Variants in PTCH1 observed in about 807,000 individuals in gnomAD.
PTCH1 encodes patched 1, also known as protein patched homolog 1.
In PTCH1, 14 loss-of-function variants were observed where a neutral mutation model predicts 144.6. That is an observed-to-expected ratio of 0.10 (90% CI 0.06 to 0.15). The LOEUF is 0.15. Among genes scored for constraint, PTCH1 ranks in the 10% least tolerant of loss-of-function variants. The pLI, the probability that PTCH1 is intolerant of heterozygous loss-of-function variation, is 1.00. For missense variants in PTCH1, 1,623 were observed against 1,948.3 expected (o/e 0.83, Z 3.14); for synonymous variants, 833 against 793.6 (o/e 1.05, Z -0.83).
intron 2 of PTCH1, among the ~76,000 whole-genome samples, chr9:95,502,064 C>T (rs1162414781): frequency 6.6e-6 from 1 of 152,134 alleles, no homozygotes; most frequent in Non-Finnish European, 1.5e-5. Flanking sequence ...AGCTTCCAGG[C>T]TCCCACCCAA....
intron 1 of PTCH1, 22 bp downstream of exon 1, chr9:95,508,139 G>A (rs374626616): frequency 1.2e-5 from 19 of 1,612,074 alleles, no homozygotes; most frequent in Non-Finnish European, 1.6e-5. Context: ...GAGAAAGTGG[G>A]AGGAGAGAGT....
At chr9:95,464,362 A>G (rs1328246593) in intron 15 of PTCH1, among the ~76,000 whole-genome samples, 1 of 152,148 alleles carries the variant, frequency 6.6e-6, no homozygotes, top group Non-Finnish European at 1.5e-5. Context: ...CACTCTAGAA[A>G]ATTGTGACTT....
At chr9:95,510,530 G>T (rs1351011154), upstream of PTCH1, among the ~76,000 whole-genome samples, 5 of 152,132 alleles carry the variant, frequency 3.3e-5, no homozygotes, top group African/African-American at 1.2e-4. Context: ...TTTTCGGAAA[G>T]TGGAATGTGT....
At chr9:95,491,070 T>C (rs1165436719) in intron 2 of PTCH1, among the ~76,000 whole-genome samples, 1 of 152,218 alleles carries the variant, frequency 6.6e-6, no homozygotes, top group Non-Finnish European at 1.5e-5. Flanking sequence ...GAAGTCCTTT[T>C]ATATTAACAA....
At chr9:95,511,796 G>A (rs931406924), upstream of PTCH1, among the ~76,000 whole-genome samples, 8 of 152,180 alleles carry the variant, frequency 5.3e-5, no homozygotes, top group Admixed American at 2.6e-4. Context: ...ACTTCAAGTC[G>A]AACCATTGTG....
At position 95,456,362 on chromosome 9, in the gene PTCH1, T is replaced by C. The variant is rs745626835; in HGVS notation, c.3220A>G (p.Ile1074Val). Residue 1074 changes from isoleucine to valine, a missense_variant, in exon 19 of 24, where the codon ATC (isoleucine) becomes GTC (valine). Physicochemically the swap from Ile to Val is conservative, Grantham distance 29 (BLOSUM62 3). Coordinates refer to ENST00000331920, the MANE Select transcript of PTCH1 (RefSeq NM_000264.5). ...TVELFGMMGL[I>V]GIKLSAVPVV... ...GGCACGGCACTGAGCTTGATTCCGATGAGGCCCATCATGCCGAACAGCTCG... is the reference window on the plus strand; with the variant it reads ...GGCACGGCACTGAGCTTGATTCCGACGAGGCCCATCATGCCGAACAGCTCG... 19 of 1,613,982 alleles carry C rather than the reference T, an allele frequency of 1.2e-5. No homozygotes were observed. Among genetic ancestry groups the C allele is most frequent in the Admixed American group, 5.0e-5 (3 of 60,008 alleles).
intron 2 of PTCH1, among the ~76,000 whole-genome samples, chr9:95,492,842 T>C (rs1204197596): frequency 6.6e-6 from 1 of 152,012 alleles, no homozygotes; most frequent in Non-Finnish European, 1.5e-5. Context: ...TAGGGCTCCC[T>C]GGGTCACAGT....
intron 1 of PTCH1, chr9:95,507,279 T>C (rs2118894313): frequency 1.0e-6 from 1 of 985,420 alleles, no homozygotes; most frequent in African/African-American, 1.7e-5. Flanking sequence ...TTCCCTCCTC[T>C]CCCTTCCTTT....
At position 95,508,939 on chromosome 9, in the gene PTCH1, G is replaced by A. The variant is rs1377200597; in HGVS notation, c.-578C>T. Among the ~76,000 whole-genome samples the A allele has an allele frequency of 6.6e-6, 1 of 151,250 alleles. No homozygotes were observed. Among genetic ancestry groups the A allele is most frequent in the Non-Finnish European group, 1.5e-5 (1 of 67,768 alleles). ...GTCTCAGCGCTGCCGGGCCCGGGCA[G>A]CCGCAGCTGCCGCTGCTCCCGCGGT... On this transcript the variant is annotated 5_prime_UTR_variant, in exon 1 of 24. Coordinates refer to ENST00000331920, the MANE Select transcript of PTCH1 (RefSeq NM_000264.5).
rs748519378 is a variant in PTCH1 at position 95,449,962 on chromosome 9, G to A, written c.3450-22C>T. 6 of 1,602,132 alleles carry A rather than the reference G, an allele frequency of 3.7e-6. No individual in the cohort carries two copies. In the South Asian group the frequency reaches 4.4e-5, roughly 12 times the overall value. On this transcript the variant is annotated intron_variant, in intron 20 of 23. Transcript: ENST00000331920. This position sits in a 1 kb window ranked among gnomAD's most constrained non-coding sequence, Gnocchi z 5.3. ...ATACCTGGGAGATCAAGAGGAAACGGGAACACGCGCTGTGACAGGGTGGAT... is the reference window on the plus strand; with the variant it reads ...ATACCTGGGAGATCAAGAGGAAACGAGAACACGCGCTGTGACAGGGTGGAT...
intron 16 of PTCH1, chr9:95,460,054 A>G (rs573389697): frequency 2.1e-6 from 1 of 487,100 alleles, no homozygotes; most frequent in East Asian, 3.9e-5. Context: ...ATGCTAAAAG[A>G]CCGTCTGCAG....
At position 95,473,699 on chromosome 9, in the gene PTCH1, C is replaced by T. The variant is rs182893404; in HGVS notation, c.1728+2335G>A. The stretch of plus-strand genomic sequence containing the variant: ...AGCTGGGATTACAGGCGTGAGCCAC[C>T]GCGCCCGGCAAATTTTGTATTTTTA... On this transcript the variant is annotated intron_variant, in intron 12 of 23. Transcript: ENST00000331920. Among the ~76,000 whole-genome samples, 274 of 152,112 alleles carry T rather than the reference C, an allele frequency of 1.8e-3. 1 individual carries two copies. The highest frequency in any genetic ancestry group is 3.5e-3 in the Non-Finnish European group (236 of 67,976).
intron 18 of PTCH1, among the ~76,000 whole-genome samples, chr9:95,457,229 T>C (rs1839020102): frequency 6.7e-6 from 1 of 149,750 alleles, no homozygotes; most frequent in Admixed American, 6.7e-5. Context: ...AAATGATCTT[T>C]CTTCTCTGGG....
intron 1 of PTCH1, chr9:95,507,014 T>A: frequency 1.0e-6 from 1 of 992,664 alleles, no homozygotes; most frequent in Non-Finnish European, 1.2e-6. Flanking sequence ...CCAGTCCTGC[T>A]CTGTCCATCA....
At position 95,516,428 on chromosome 9, in the gene PTCH1, G is replaced by A. The variant is rs768583583; in HGVS notation, c.3+41C>T. Reference sequence around the variant, plus strand: ...GCCGCCCGAGGAGCACGGCGCGCGAGGCGAGGTGGCGTCGGCGGCCGCCGC... The same window carrying A: ...GCCGCCCGAGGAGCACGGCGCGCGAAGCGAGGTGGCGTCGGCGGCCGCCGC... On this transcript the variant is annotated intron_variant, in intron 1 of 22. Coordinates refer to the PTCH1 transcript ENST00000430669. 102 of 1,373,140 alleles carry A rather than the reference G, an allele frequency of 7.4e-5. 1 individual carries two copies. The highest frequency in any genetic ancestry group is 2.1e-4 in the South Asian group (12 of 56,502). The allele number at this position is 1,373,140 out of a possible 1,614,324, so 85.1% of individuals were successfully genotyped here. A position where few individuals can be genotyped will look rare whatever the true frequency, so the allele number is the denominator to read the frequency against.
At chr9:95,462,969 C>T (rs539179830) in intron 15 of PTCH1, among the ~76,000 whole-genome samples, 17 of 152,088 alleles carry the variant, frequency 1.1e-4, no homozygotes, top group Non-Finnish European at 2.1e-4. Flanking sequence ...CTGGCTGGTG[C>T]GCACGCTCTC....
Position 95,508,755 on chromosome 9 carries a change from C to T in PTCH1, c.-394G>A, listed in dbSNP as rs1323398258. 7.1e-6 allele frequency: 7 copies of T among 985,170 alleles called. No individual in the cohort carries two copies. The highest frequency in any genetic ancestry group is 8.4e-6 in the Non-Finnish European group (7 of 829,782). The allele number at this position is 985,170 out of a possible 1,614,324, so 61.0% of individuals were successfully genotyped here. On this transcript the variant is annotated 5_prime_UTR_variant, in exon 1 of 24. Coordinates refer to ENST00000331920, the MANE Select transcript of PTCH1 (RefSeq NM_000264.5). Reference sequence around the variant, plus strand: ...TCCCCAACTCCCCCTACCCGCCCCCCGCCCCGCGCCGCGACCCCTTCACTG... The same window carrying T: ...TCCCCAACTCCCCCTACCCGCCCCCTGCCCCGCGCCGCGACCCCTTCACTG...
At chr9:95,498,423 C>G (rs1247335015) in intron 2 of PTCH1, among the ~76,000 whole-genome samples, 1 of 152,192 alleles carries the variant, frequency 6.6e-6, no homozygotes, top group East Asian at 1.9e-4. Flanking sequence ...TGACTGCCCA[C>G]CAACAATACA....
At chr9:95,446,529 G>A (rs1174312905) in intron 23 of PTCH1, 138 bp from the exon 24 acceptor site, 3 of 454,394 alleles carry the variant, frequency 6.6e-6, no homozygotes, top group Non-Finnish European at 1.3e-5. Context: ...GTGTCCCTGG[G>A]GGCTGCTTGT....
Sources: allele counts gnomAD v4.1 joint callset (sites outside exome capture counted in the v4.1 genomes callset), GRCh38; gene constraint gnomAD v4.1.1; non-coding constraint Gnocchi (gnomAD v3.1); transcripts MANE v1.5; gene names NCBI Gene and HGNC (gene_info 2026-07-23, HGNC 2026-07-21).